Variants in ANGEL2 observed in about 807,000 individuals in gnomAD.
ANGEL2 encodes angel homolog 2.
Under a neutral mutation model 66.0 loss-of-function variants are expected in ANGEL2, and 41 were observed. The observed-to-expected ratio is 0.62, with a 90% CI of 0.48 to 0.81. ANGEL2 has a LOEUF of 0.81. ANGEL2 is among the 30% of genes least tolerant of loss of function. The pLI is 0.00. For synonymous variants in ANGEL2, 208 were observed against 226.5 expected (o/e 0.92, Z 0.73); for missense variants, 561 against 641.6 (o/e 0.87, Z 1.36).
intron 2 of ANGEL2, chr1:213,011,119 A>G: frequency 8.3e-7 from 1 of 1,199,798 alleles, no homozygotes; most frequent in South Asian, 1.3e-5. Context: ...GTTCCATGGA[A>G]GACAATTTGA....
chr1:213,008,485 C>G lies in ANGEL2; in HGVS notation c.386-19G>C, dbSNP rs1312058527. 2 of 1,604,876 alleles carry G rather than the reference C, an allele frequency of 1.2e-6. No individual in the cohort carries two copies. The highest frequency in any genetic ancestry group is 1.7e-6 in the Non-Finnish European group (2 of 1,175,560). On this transcript the variant is annotated intron_variant, in intron 2 of 8. Coordinates refer to ENST00000366962, the MANE Select transcript of ANGEL2 (RefSeq NM_144567.5). Reference sequence around the variant, plus strand: ...ATCACACCTGTTAAAATATATTGCACAAATATAAGGAATTAATCAAAAGCA... The same window carrying G: ...ATCACACCTGTTAAAATATATTGCAGAAATATAAGGAATTAATCAAAAGCA...
intron 7 of ANGEL2, among the ~76,000 whole-genome samples, chr1:212,997,605 A>T (rs1401635565): frequency 2.0e-5 from 3 of 152,210 alleles, no homozygotes; most frequent in African/African-American, 7.2e-5. Context: ...TTACTAAAGA[A>T]CATGTATTCT....
At chr1:213,009,108 G>A (rs753869716) in intron 2 of ANGEL2, among the ~76,000 whole-genome samples, 3 of 152,242 alleles carry the variant, frequency 2.0e-5, no homozygotes, top group Non-Finnish European at 4.4e-5. Flanking sequence ...GCTACAGAAT[G>A]CTAGTAAATG....
In ANGEL2 at chr1:213,013,438, T is replaced by A. The variant is rs1230731547; in HGVS notation, c.60-20A>T. 4 of 1,577,356 alleles carry A rather than the reference T, an allele frequency of 2.5e-6. No homozygotes were observed. ...GGGTATCTAAAAGAAATAAATACAC[T>A]CCTTGAGGCACCACTTTTTGTTCAG... On this transcript the variant is annotated intron_variant, in intron 1 of 8. Coordinates refer to ENST00000366962, the MANE Select transcript of ANGEL2 (RefSeq NM_144567.5).
rs768639212 is a variant in ANGEL2, at chr1:212,995,068, T to C, written c.1608A>G (p.Leu536=). The change falls in exon 9 of 9, where the codon TTA becomes TTG. Residue 536 remains leucine, a synonymous_variant. Transcript: ENST00000366962. ...AGAGCTCAAGTCTGAACTTTGCCAATAAAGGCAGATGATCTGAAGAGTTAT... is the reference window on the plus strand; with the variant it reads ...AGAGCTCAAGTCTGAACTTTGCCAACAAAGGCAGATGATCTGAAGAGTTAT... ...NENNSSDHLP[L]LAKFRLEL is the part of the protein sequence containing the mutation. 3.1e-6 allele frequency: 5 copies of C among 1,610,242 alleles called. No individual in the cohort carries two copies. In the African/African-American group the frequency reaches 5.3e-5, roughly 17 times the overall value.
intron 2 of ANGEL2, 73 bp downstream of exon 2, chr1:213,013,020 G>C (rs2076547077): frequency 3.4e-6 from 5 of 1,458,674 alleles, no homozygotes; most frequent in African/African-American, 1.4e-5. Flanking sequence ...AGGTTTAAAG[G>C]ATTAGATATG....
intron 7 of ANGEL2, among the ~76,000 whole-genome samples, chr1:212,999,559 C>G (rs535146632): frequency 2.0e-5 from 3 of 152,068 alleles, no homozygotes; most frequent in African/African-American, 4.8e-5. Flanking sequence ...GATTGAGAAG[C>G]AGATAAAATA....
intron 7 of ANGEL2, among the ~76,000 whole-genome samples, chr1:212,999,947 T>A (rs2076133964): frequency 6.6e-6 from 1 of 152,252 alleles, no homozygotes; most frequent in Admixed American, 6.5e-5. Context: ...GACCTTTGTT[T>A]AAGTATGTGA....
chr1:213,002,715 C>T (rs1215288616), intron 5 of ANGEL2, among the ~76,000 whole-genome samples: 1 of 151,990 alleles, frequency 6.6e-6, no homozygotes, highest in Non-Finnish European at 1.5e-5. Context: ...CCCAGGAGTT[C>T]GAGACCAGCC....
chr1:212,999,212 C>T (rs1479251269), intron 7 of ANGEL2, among the ~76,000 whole-genome samples: 2 of 152,068 alleles, frequency 1.3e-5, no homozygotes, highest in Non-Finnish European at 2.9e-5. Context: ...CAGGGTCTCA[C>T]TGTGTTGCCC....
At chr1:213,015,866 ATGCC>A in exon 1 of ANGEL2, 1 of 646,358 alleles carries the variant, frequency 1.5e-6, no homozygotes, top group East Asian at 2.9e-5. Context: ...GAGTCCCTGA[ATGCC>A]TTAACCCGGA....
intron 2 of ANGEL2, among the ~76,000 whole-genome samples, chr1:213,010,734 C>A (rs1313530316): frequency 1.3e-5 from 2 of 152,142 alleles, no homozygotes; most frequent in African/African-American, 4.8e-5. Context: ...ACAGATGGAG[C>A]ACTACCCTGG....
intron 7 of ANGEL2, among the ~76,000 whole-genome samples, chr1:212,997,704 G>A (rs1417034125): frequency 2.0e-5 from 3 of 152,144 alleles, no homozygotes; most frequent in South Asian, 2.1e-4. Flanking sequence ...ATGACAGAGA[G>A]GCCATATTCT....
rs763498604 is a variant in ANGEL2 at position 213,008,388 on chromosome 1, T to C, written c.464A>G (p.Asp155Gly). Reference protein sequence around the residue: ...KTKILGDKNVDPKCEDSENKF... With the variant: ...KTKILGDKNVGPKCEDSENKF... ...GTTCTCACTGTCTTCACATTTGGGATCAACATTTTTGTCTCCTAGGATCTT... is the reference window on the plus strand; with the variant it reads ...GTTCTCACTGTCTTCACATTTGGGACCAACATTTTTGTCTCCTAGGATCTT... The change falls in exon 3 of 9, where the codon GAT becomes GGT. Residue 155 changes from aspartate to glycine, a missense_variant. By Grantham distance (94) the Asp-to-Gly change is moderately conservative. Coordinates refer to ENST00000366962, the MANE Select transcript of ANGEL2 (RefSeq NM_144567.5). The C allele has an allele frequency of 6.2e-7, 1 of 1,614,190 alleles. No homozygotes were observed. Among genetic ancestry groups the C allele is most frequent in the South Asian group, 1.1e-5 (1 of 91,082 alleles).
intron 2 of ANGEL2, among the ~76,000 whole-genome samples, chr1:213,009,999 C>T (rs1320591849): frequency 1.4e-5 from 2 of 147,470 alleles, no homozygotes; most frequent in African/African-American, 2.5e-5. Flanking sequence ...TGCAGTGAGC[C>T]GAGATCGCGC....
intron 3 of ANGEL2, among the ~76,000 whole-genome samples, chr1:213,007,862 TTTC>T (rs1392937502): frequency 9.2e-5 from 13 of 141,794 alleles, no homozygotes; most frequent in African/African-American, 2.5e-4. Flanking sequence ...TTTTTCTTTC[TTTC>T]TTTTTTTTTT....
intron 2 of ANGEL2, among the ~76,000 whole-genome samples, chr1:213,010,179 C>T (rs1192547914): frequency 6.6e-6 from 1 of 152,098 alleles, no homozygotes; most frequent in Non-Finnish European, 1.5e-5. Flanking sequence ...CTATCATTCA[C>T]TGAAGATAGG....
chr1:213,015,425 C>A, intron 1 of ANGEL2, 188 bp downstream of exon 1: 1 of 1,423,472 alleles, frequency 7.0e-7, no homozygotes, highest in Non-Finnish European at 9.2e-7. Context: ...CCGCCAGCTG[C>A]GCGGCGGGTT....
intron 6 of ANGEL2, 131 bp downstream of exon 6, chr1:213,000,655 A>T: frequency 9.3e-7 from 1 of 1,073,928 alleles, no homozygotes; most frequent in Non-Finnish European, 1.3e-6. Context: ...TAAGAAAAAA[A>T]ATGAATAACT....
Sources: allele counts gnomAD v4.1 joint callset (sites outside exome capture counted in the v4.1 genomes callset), GRCh38; gene constraint gnomAD v4.1.1; transcripts MANE v1.5; gene names NCBI Gene and HGNC (gene_info 2026-07-23, HGNC 2026-07-21).